The following PTPRN2 variants were observed in gnomAD, a reference collection of about 807,000 sequenced individuals.
PTPRN2 encodes receptor-type tyrosine-protein phosphatase N2.
Under a neutral mutation model 118.8 loss-of-function variants are expected in PTPRN2, and 74 were observed. The observed-to-expected ratio is 0.62, with a 90% CI of 0.52 to 0.76. The LOEUF is 0.76. PTPRN2 is among the 30% of genes least tolerant of loss of function. PTPRN2 has a pLI of 0.00. For missense variants in PTPRN2, 1,481 were observed against 1,394.4 expected (o/e 1.06, Z -0.99); for synonymous variants, 641 against 608.0 (o/e 1.05, Z -0.80).
intron 12 of PTPRN2, among the ~76,000 whole-genome samples, chr7:157,885,524 C>T (rs1245597658): frequency 2.0e-5 from 3 of 152,220 alleles, no homozygotes; most frequent in African/African-American, 7.2e-5. Context: ...CAAGTTCCTC[C>T]TGCTGGCCCC....
chr7:157,979,936 C>T (rs917393026), intron 11 of PTPRN2, among the ~76,000 whole-genome samples: 2 of 152,178 alleles, frequency 1.3e-5, no homozygotes, highest in Non-Finnish European at 2.9e-5. Flanking sequence ...ACAACAGGAA[C>T]GAAGCTGGTG....
intron 9 of PTPRN2, among the ~76,000 whole-genome samples, chr7:158,126,238 G>A (rs574689907): frequency 9.9e-5 from 1 of 10,126 alleles, no homozygotes; most frequent in Non-Finnish European, 1.8e-4. Flanking sequence ...CCCGGAGAGC[G>A]GGCGGCGGAA....
chr7:157,596,611 C>T lies in PTPRN2; in HGVS notation c.2419-1296G>A, dbSNP rs1286240070. On this transcript the variant is annotated intron_variant, in intron 16 of 22. Coordinates refer to ENST00000389418, the MANE Select transcript of PTPRN2 (RefSeq NM_002847.5). This position sits in a 1 kb window ranked among gnomAD's most constrained non-coding sequence, Gnocchi z 4.2. ...CAAGCCCAGGCCACCCTGCAAAGGA[C>T]ACGAAGATACCAGGACATCACTATC... Among the ~76,000 whole-genome samples the T allele has an allele frequency of 1.3e-5, 2 of 152,174 alleles. No homozygotes were observed. Among genetic ancestry groups the T allele is most frequent in the Non-Finnish European group, 2.9e-5 (2 of 68,034 alleles).
intron 11 of PTPRN2, among the ~76,000 whole-genome samples, chr7:158,017,087 T>C (rs920835813): frequency 1.3e-5 from 2 of 152,224 alleles, no homozygotes; most frequent in Non-Finnish European, 2.9e-5. Flanking sequence ...ATCAGATTAA[T>C]AACGTTAACA....
At chr7:158,048,361 G>T (rs1463946965) in intron 11 of PTPRN2, among the ~76,000 whole-genome samples, 1 of 151,980 alleles carries the variant, frequency 6.6e-6, no homozygotes, top group Non-Finnish European at 1.5e-5. Flanking sequence ...ATCTCCTCTT[G>T]GTCCTCATGT....
Position 157,784,576 on chromosome 7 carries a change from T to A in PTPRN2, c.1789-101639A>T, listed in dbSNP as rs1803899344. ...CCTGACCCTCCTCTCCACAAAGGGC[T>A]TGAAGAGCAACTGACCCATGAAACG... On this transcript the variant is annotated intron_variant, in intron 12 of 22. Coordinates refer to ENST00000389418, the MANE Select transcript of PTPRN2 (RefSeq NM_002847.5). The surrounding 1 kb of genome is among the most constrained non-coding windows in gnomAD (Gnocchi z 4.6). 1.3e-5 allele frequency among the ~76,000 whole-genome samples: 2 copies of A among 151,604 alleles called. No individual in the cohort carries two copies. Among genetic ancestry groups the A allele is most frequent in the South Asian group, 2.1e-4 (1 of 4,812 alleles).
chr7:158,094,186 T>G (rs184146229), intron 10 of PTPRN2, among the ~76,000 whole-genome samples: 1 of 152,242 alleles, frequency 6.6e-6, no homozygotes, highest in African/African-American at 2.4e-5. Context: ...CTGGGTGGCA[T>G]GACCAGTCCC....
intron 11 of PTPRN2, among the ~76,000 whole-genome samples, chr7:158,040,516 C>T (rs1414432756): frequency 6.6e-6 from 1 of 152,078 alleles, no homozygotes; most frequent in African/African-American, 2.4e-5. Flanking sequence ...CTTACCTTAC[C>T]CATAGAAAAG....
intron 2 of PTPRN2, among the ~76,000 whole-genome samples, chr7:158,452,075 T>C (rs1053568407): frequency 6.6e-6 from 1 of 152,184 alleles, no homozygotes; most frequent in Admixed American, 6.5e-5. Flanking sequence ...CAAATACCCA[T>C]ACGCATTTGG....
chr7:157,843,462 C>T (rs1808579345), intron 12 of PTPRN2, among the ~76,000 whole-genome samples: 2 of 152,198 alleles, frequency 1.3e-5, no homozygotes, highest in Non-Finnish European at 2.9e-5. Context: ...GCGTTCTCTG[C>T]CTTCCTCCAC....
chr7:158,144,406 G>A (rs1819692033), intron 6 of PTPRN2, among the ~76,000 whole-genome samples: 1 of 152,192 alleles, frequency 6.6e-6, no homozygotes, highest in Non-Finnish European at 1.5e-5. Flanking sequence ...GGGAGGCCAA[G>A]GTGGGCGGAT....
At chr7:158,188,608 G>A (rs556087501) in intron 5 of PTPRN2, among the ~76,000 whole-genome samples, 1 of 100,062 alleles carries the variant, frequency 1.0e-5, no homozygotes, top group Non-Finnish European at 2.0e-5. Context: ...GGGGAAGCCC[G>A]CCACGCTCGC....
intron 12 of PTPRN2, among the ~76,000 whole-genome samples, chr7:157,822,998 C>G (rs1015145499): frequency 6.6e-6 from 1 of 152,022 alleles, no homozygotes; most frequent in African/African-American, 2.4e-5. Flanking sequence ...CACCCATGAT[C>G]CATACAGACA....
intron 6 of PTPRN2, among the ~76,000 whole-genome samples, chr7:158,147,482 C>G (rs1214990140): frequency 0.037 from 1,389 of 37,784 alleles, 2 homozygotes; most frequent in Middle Eastern, 0.077. Context: ...GTCTTTCCCC[C>G]TCACTGACAC....
At chr7:157,631,736 G>A (rs1392725088) in intron 14 of PTPRN2, among the ~76,000 whole-genome samples, 4 of 152,068 alleles carry the variant, frequency 2.6e-5, no homozygotes, top group Non-Finnish European at 5.9e-5. Context: ...GGAGGCTGAG[G>A]CAGGAGAACG....
chr7:157,907,565 C>T (rs1222599178), intron 11 of PTPRN2, among the ~76,000 whole-genome samples: 12 of 141,960 alleles, frequency 8.5e-5, no homozygotes, highest in African/African-American at 2.4e-4. Flanking sequence ...TCCCTGTCTC[C>T]TGTGTGTGAG....
chr7:157,735,791 C>T (rs1480699626), intron 12 of PTPRN2, among the ~76,000 whole-genome samples: 2 of 151,934 alleles, frequency 1.3e-5, no homozygotes, highest in Non-Finnish European at 2.9e-5. Flanking sequence ...GCCTTTGGTC[C>T]CCGTCCTCCT....
intron 2 of PTPRN2, among the ~76,000 whole-genome samples, chr7:158,395,863 G>C (rs1030260981): frequency 6.6e-6 from 1 of 151,954 alleles, no homozygotes; most frequent in South Asian, 2.1e-4. Flanking sequence ...CCCCGAATTC[G>C]GGCAGAGCGC....
intron 2 of PTPRN2, among the ~76,000 whole-genome samples, chr7:158,452,923 C>T (rs930043606): frequency 3.9e-5 from 6 of 152,212 alleles, no homozygotes; most frequent in Non-Finnish European, 8.8e-5. Context: ...GGGCCCCACT[C>T]GGCTTGTCTG....
Sources: gnomAD v4.1 joint callset for allele counts (sites outside exome capture counted in the v4.1 genomes callset) on GRCh38, gnomAD v4.1.1 for gene constraint, Gnocchi (gnomAD v3.1) non-coding constraint, MANE v1.5 for transcripts, NCBI Gene and HGNC (gene_info 2026-07-23, HGNC 2026-07-21) for gene names.